Variants in MAF observed in about 807,000 individuals in gnomAD.
MAF encodes the protein MAF bZIP transcription factor.
A neutral mutation model predicts 22.0 loss-of-function variants in MAF; 10 were observed. The ratio of observed to expected loss-of-function variants is 0.45; its 90% CI spans 0.28 to 0.77. MAF has a LOEUF of 0.77. Among genes scored for constraint, MAF ranks in the 30% least tolerant of loss-of-function variants. The probability of loss-of-function intolerance (pLI) is 0.12; values close to 1 mark genes in which losing one functional copy is unlikely to be tolerated. For missense variants in MAF, 544 were observed against 548.4 expected, an observed-to-expected ratio of 0.99 and a Z score of 0.08; for synonymous variants, 337 against 255.8, an observed-to-expected ratio of 1.32 and a Z score of -3.03.
chr16:79,585,475 A>G (rs143363361), downstream of MAF, among the ~76,000 whole-genome samples: 188 of 152,146 alleles, frequency 1.2e-3, 1 homozygote, highest in African/African-American at 4.4e-3. Flanking sequence ...GGCGATGGAT[A>G]CTAGTTTCAC....
chr16:79,340,992 G>C, the MAF span, among the ~76,000 whole-genome samples: 2 of 152,196 alleles, frequency 1.3e-5, no homozygotes, highest in African/African-American at 4.8e-5. Flanking sequence ...GATGAAGAGG[G>C]ACCAGCTATG....
the MAF span, among the ~76,000 whole-genome samples, chr16:79,422,897 AC>A: frequency 6.6e-6 from 1 of 152,194 alleles, no homozygotes; most frequent in Non-Finnish European, 1.5e-5. Flanking sequence ...AGAGACAGAT[AC>A]TACTCAGTTA....
At chr16:79,438,352 G>C in the MAF span, among the ~76,000 whole-genome samples, 1 of 152,218 alleles carries the variant, frequency 6.6e-6, no homozygotes, top group Non-Finnish European at 1.5e-5. Flanking sequence ...GGCGGATTAG[G>C]TGGCTCTTAG....
chr16:79,276,714 T>C, the MAF span, among the ~76,000 whole-genome samples: 292 of 152,246 alleles, frequency 1.9e-3, no homozygotes, highest in African/African-American at 6.7e-3. Flanking sequence ...GATGACGACA[T>C]TGATGATGAA....
At chr16:79,580,285 T>C in the MAF span, among the ~76,000 whole-genome samples, 1 of 152,206 alleles carries the variant, frequency 6.6e-6, no homozygotes, top group South Asian at 2.1e-4. Flanking sequence ...ATAGCCTTTG[T>C]TGCCCTTAGA....
the MAF span, among the ~76,000 whole-genome samples, chr16:79,266,929 A>C: frequency 1.3e-5 from 2 of 152,196 alleles, no homozygotes; most frequent in African/African-American, 4.8e-5. Flanking sequence ...CTTTGATTGC[A>C]GGGAGACTCA....
the MAF span, among the ~76,000 whole-genome samples, chr16:79,222,641 G>A: frequency 1.3e-5 from 2 of 152,068 alleles, no homozygotes; most frequent in African/African-American, 2.4e-5. Flanking sequence ...CATCTCACGT[G>A]CAGAGACACA....
At chr16:79,504,704 T>A in the MAF span, among the ~76,000 whole-genome samples, 1 of 152,180 alleles carries the variant, frequency 6.6e-6, no homozygotes, top group Non-Finnish European at 1.5e-5. Flanking sequence ...GATGGATGGA[T>A]GAGTGGATGA....
At chr16:79,414,471 G>A in the MAF span, among the ~76,000 whole-genome samples, 1 of 152,182 alleles carries the variant, frequency 6.6e-6, no homozygotes, top group Non-Finnish European at 1.5e-5. Flanking sequence ...TTATTACTGT[G>A]AGGAGGGCAC....
the MAF span, among the ~76,000 whole-genome samples, chr16:79,344,740 T>C: frequency 2.0e-5 from 3 of 152,190 alleles, no homozygotes; most frequent in Non-Finnish European, 4.4e-5. Flanking sequence ...CCTGTTTATT[T>C]ATATTAGGTA....
At chr16:79,370,493 G>C in the MAF span, among the ~76,000 whole-genome samples, 2 of 152,146 alleles carry the variant, frequency 1.3e-5, no homozygotes, top group South Asian at 4.1e-4. Context: ...TGTGACTCTT[G>C]CAAGAGCACA....
chr16:79,251,337 C>T, the MAF span, among the ~76,000 whole-genome samples: 11 of 92,822 alleles, frequency 1.2e-4, no homozygotes, highest in South Asian at 5.7e-4. Context: ...TTTTTTGAGA[C>T]GGAGTTTTGC....
At chr16:79,214,261 C>G in the MAF span, among the ~76,000 whole-genome samples, 1 of 152,182 alleles carries the variant, frequency 6.6e-6, no homozygotes, top group Admixed American at 6.5e-5. Context: ...TGTCTGTTTT[C>G]TTCACAACTT....
At chr16:79,586,067 T>G (rs553491151) in intron 1 of MAF, 5 of 540,908 alleles carry the variant, frequency 9.2e-6, no homozygotes, top group Middle Eastern at 9.4e-4. Flanking sequence ...AAAAGAAGAG[T>G]GATTTTGTTC....
At chr16:79,363,143 T>A in the MAF span, among the ~76,000 whole-genome samples, 1 of 152,032 alleles carries the variant, frequency 6.6e-6, no homozygotes, top group Non-Finnish European at 1.5e-5. Context: ...TTAAAAATCA[T>A]TGAGAAAGCT....
At chr16:79,259,001 C>A in the MAF span, among the ~76,000 whole-genome samples, 4 of 152,216 alleles carry the variant, frequency 2.6e-5, no homozygotes, top group East Asian at 1.9e-4. Context: ...AAGGGAGATC[C>A]CCCCCATCCC....
chr16:79,239,456 CCT>C, the MAF span, among the ~76,000 whole-genome samples: 1 of 152,100 alleles, frequency 6.6e-6, no homozygotes, highest in South Asian at 2.1e-4. Context: ...AGGGAACAAA[CCT>C]CCAAAATTCA....
the MAF span, among the ~76,000 whole-genome samples, chr16:79,352,421 C>T: frequency 1.3e-5 from 2 of 152,032 alleles, no homozygotes; most frequent in Admixed American, 6.6e-5. Flanking sequence ...GGATGCCTGA[C>T]GTTGCCTTTT....
the MAF span, among the ~76,000 whole-genome samples, chr16:79,419,174 C>A: frequency 1.3e-5 from 2 of 152,106 alleles, no homozygotes; most frequent in African/African-American, 2.4e-5. Context: ...TAAGGGCAAT[C>A]ATGGGGTGCT....
Sources: gnomAD v4.1 joint callset for allele counts (sites outside exome capture counted in the v4.1 genomes callset) on GRCh38, gnomAD v4.1.1 for gene constraint, MANE v1.5 for transcripts, NCBI Gene and HGNC (gene_info 2026-07-23, HGNC 2026-07-21) for gene names.